Variants in CHST11 observed in about 807,000 individuals in gnomAD.
CHST11 encodes the protein C4S-1.
CHST11 carries 9 observed loss-of-function variants against 30.4 expected under a neutral mutation model. The observed-to-expected ratio is 0.30, with a 90% confidence interval of 0.18 to 0.52. The LOEUF is 0.52. Among genes scored for constraint, CHST11 ranks in the 20% least tolerant of loss-of-function variants. The pLI is 0.97. For missense variants in CHST11, 348 were observed against 460.6 expected (o/e 0.76, Z 2.24); for synonymous variants, 152 against 187.8 (o/e 0.81, Z 1.56).
chr12:104,646,491 T>C (rs138734385), intron 2 of CHST11, among the ~76,000 whole-genome samples: 2 of 152,154 alleles, frequency 1.3e-5, no homozygotes, highest in African/African-American at 4.8e-5. Flanking sequence ...CCCAGCACTT[T>C]GGGAGGCCGA....
At chr12:104,514,339 A>G in intron 1 of CHST11, 2 of 968,976 alleles carry the variant, frequency 2.1e-6, no homozygotes, top group Non-Finnish European at 3.4e-6. Flanking sequence ...CTGTCTCTCA[A>G]GCAGCAGCTC....
intron 1 of CHST11, among the ~76,000 whole-genome samples, chr12:104,561,659 C>A (rs557728110): frequency 6.6e-6 from 1 of 152,318 alleles, no homozygotes; most frequent in African/African-American, 2.4e-5. Flanking sequence ...TGGAAAACAA[C>A]GCCCTGTATC....
intron 1 of CHST11, chr12:104,552,351 G>T (rs1211929734): frequency 6.6e-6 from 1 of 152,234 alleles, no homozygotes; most frequent in Non-Finnish European, 1.5e-5. Flanking sequence ...TGTCACCCAG[G>T]CTGCAGTGCA....
At chr12:104,544,157 AGAAAGAAAG>A (rs1565981239) in intron 1 of CHST11, among the ~76,000 whole-genome samples, 4 of 40,424 alleles carry the variant, frequency 9.9e-5, no homozygotes, top group Non-Finnish European at 1.2e-4. Context: ...AAAGAAAGAA[AGAAAGAAAG>A]AAAGAAAGAA....
chr12:104,477,019 A>G (rs899947121), intron 1 of CHST11, among the ~76,000 whole-genome samples: 1 of 152,178 alleles, frequency 6.6e-6, no homozygotes, highest in Non-Finnish European at 1.5e-5. Flanking sequence ...AACTTTCTTC[A>G]GATGTCACAA....
intron 1 of CHST11, among the ~76,000 whole-genome samples, chr12:104,579,517 C>G (rs1339087956): frequency 2.0e-5 from 3 of 152,212 alleles, no homozygotes; most frequent in Admixed American, 6.5e-5. Flanking sequence ...CATGTCGGAA[C>G]AGACAATGAA....
At chr12:104,599,316 C>A (rs551708294) in intron 1 of CHST11, among the ~76,000 whole-genome samples, 1 of 152,334 alleles carries the variant, frequency 6.6e-6, no homozygotes, top group East Asian at 1.9e-4. Context: ...TACTGCCCCC[C>A]ATAAAAGCAG....
chr12:104,689,143 T>A (rs2039874510), intron 2 of CHST11, among the ~76,000 whole-genome samples: 1 of 152,262 alleles, frequency 6.6e-6, no homozygotes, highest in Non-Finnish European at 1.5e-5. Context: ...CATTCTTTTG[T>A]GACTTTCTCA....
rs990630676 is a variant in CHST11 at position 104,475,793 on chromosome 12, A to G, written c.118+18264A>G. Among the ~76,000 whole-genome samples, 342 of 143,056 alleles carry G rather than the reference A, an allele frequency of 2.4e-3. 1 individual carries two copies. Among genetic ancestry groups the G allele is most frequent in the African/African-American group, 8.3e-3 (331 of 39,668 alleles). The allele number at this position is 143,056 out of a possible 152,430, so 93.9% of individuals were successfully genotyped here. ...CAATCCCTGCCATATATATGCATAT[A>G]TATATGTATTTATATGTATATATCC... On this transcript the variant is annotated intron_variant, in intron 1 of 2. Transcript: ENST00000303694.
intron 2 of CHST11, among the ~76,000 whole-genome samples, chr12:104,661,476 G>A (rs922140179): frequency 5.3e-5 from 8 of 152,150 alleles, no homozygotes; most frequent in African/African-American, 1.9e-4. Flanking sequence ...TTGGGAGGCC[G>A]AGGTGAGAAG....
chr12:104,584,282 C>T (rs1176273983), intron 1 of CHST11, among the ~76,000 whole-genome samples: 1 of 128,716 alleles, frequency 7.8e-6, no homozygotes, highest in Non-Finnish European at 1.6e-5. Flanking sequence ...TTTTTCACAG[C>T]GTCTTACTCT....
At chr12:104,727,256 C>T (rs1279192045) in intron 2 of CHST11, among the ~76,000 whole-genome samples, 1 of 152,244 alleles carries the variant, frequency 6.6e-6, no homozygotes, top group African/African-American at 2.4e-5. Context: ...CAGGGGCCTA[C>T]ATTCAAGATC....
At chr12:104,509,226 T>C (rs181205456) in intron 1 of CHST11, among the ~76,000 whole-genome samples, 51 of 152,238 alleles carry the variant, frequency 3.4e-4, no homozygotes, top group Admixed American at 3.0e-3. Context: ...CTGCCCAATC[T>C]CTCTCTTTGC....
intron 1 of CHST11, 118 bp downstream of exon 1, chr12:104,457,647 C>T: frequency 1.3e-6 from 1 of 779,616 alleles, no homozygotes; most frequent in Non-Finnish European, 2.2e-6. Context: ...CTCTTCGGGG[C>T]TCCTGGCTGC....
intron 1 of CHST11, among the ~76,000 whole-genome samples, chr12:104,575,113 A>G (rs2038670446): frequency 6.6e-6 from 1 of 151,996 alleles, no homozygotes; most frequent in African/African-American, 2.4e-5. Context: ...GAATTACTTG[A>G]ACCCAGGAGG....
At chr12:104,527,137 C>G (rs1309622776) in intron 1 of CHST11, among the ~76,000 whole-genome samples, 1 of 152,166 alleles carries the variant, frequency 6.6e-6, no homozygotes, top group African/African-American at 2.4e-5. Context: ...ATAAATAGGG[C>G]CTTTAAAAAG....
At chr12:104,475,688 A>ATATATATATT (rs1555226434) in intron 1 of CHST11, among the ~76,000 whole-genome samples, 1,016 of 78,230 alleles carry the variant, frequency 0.013, 51 homozygotes, top group Non-Finnish European at 0.02. Context: ...ATATATATAT[A>ATATATATATT]TATTTCTGAT....
At chr12:104,599,017 G>T (rs1435255199) in intron 1 of CHST11, among the ~76,000 whole-genome samples, 1 of 152,034 alleles carries the variant, frequency 6.6e-6, no homozygotes, top group Non-Finnish European at 1.5e-5. Context: ...GGCGCGGAGG[G>T]GTTATCTGTA....
At chr12:104,700,879 C>T (rs991697062) in intron 2 of CHST11, among the ~76,000 whole-genome samples, 5 of 151,950 alleles carry the variant, frequency 3.3e-5, no homozygotes, top group South Asian at 4.2e-4. Context: ...GGGAGGCTGA[C>T]GCAGGTGGAT....
Sources: allele counts gnomAD v4.1 joint callset (sites outside exome capture counted in the v4.1 genomes callset), GRCh38; gene constraint gnomAD v4.1.1; transcripts MANE v1.5; gene names NCBI Gene and HGNC (gene_info 2026-07-23, HGNC 2026-07-21).